Variants in MEGF9 observed in about 807,000 individuals in gnomAD.
MEGF9 encodes multiple epidermal growth factor-like domains protein 9.
In MEGF9, 6 loss-of-function variants were observed where a neutral mutation model predicts 46.8. The observed-to-expected ratio is 0.13, with a 90% CI of 0.07 to 0.25. The LOEUF is 0.25. MEGF9 is among the 10% of genes least tolerant of loss of function. The pLI is 1.00. For missense variants in MEGF9, 683 were observed against 792.4 expected (o/e 0.86, Z 1.66); for synonymous variants, 302 against 330.7 (o/e 0.91, Z 0.94).
In MEGF9 at chr9:120,603,193, A is replaced by G. The variant is rs1564410019; in HGVS notation, c.*1997T>C. 2.0e-5 allele frequency: 3 copies of G among 152,194 alleles called. No individual in the cohort carries two copies. The highest frequency in any genetic ancestry group is 6.5e-5 in the Admixed American group (1 of 15,272). 9.4% of individuals were successfully genotyped at this position (152,194 alleles called of 1,614,324 possible). On this transcript the variant is annotated 3_prime_UTR_variant, in exon 6 of 6. Transcript: ENST00000373930. ...CACACATTGTATAGCCTTGAACAAG[A>G]TATTTAGCTCCTCTGTGCCTCAGCC...
At chr9:120,694,277 T>C (rs1225991233) in intron 1 of MEGF9, among the ~76,000 whole-genome samples, 1 of 152,206 alleles carries the variant, frequency 6.6e-6, no homozygotes, top group Non-Finnish European at 1.5e-5. Flanking sequence ...GCTGTGACCT[T>C]TGGGCAAACA....
chr9:120,622,641 C>G lies in MEGF9; in HGVS notation c.918G>C (p.Arg306=). 6.2e-7 allele frequency: 1 copy of G among 1,613,594 alleles called. No individual in the cohort carries two copies. ...CTGTGAGGGCATCGCAACTGGCAGA[C>G]CGATTATTGCATTGGCAGGGCAAGC... The part of the protein sequence containing the change: ...NGCLPCQCNN[R]SASCDALTGA... The change falls in exon 3 of 6, where the codon CGG becomes CGC. Residue 306 remains arginine (R), a synonymous_variant. Coordinates refer to ENST00000373930, the MANE Select transcript of MEGF9 (RefSeq NM_001080497.3).
rs2043968633 is a variant in MEGF9 at position 120,714,283 on chromosome 9, C to T, written c.76G>A (p.Ala26Thr). Reference sequence around the variant, plus strand: ...GAGGCGACGGCGGCGGCGGCGGCGGCGGCGGCGCAGCACAACAGGGCGAGG... The same window carrying T: ...GAGGCGACGGCGGCGGCGGCGGCGGTGGCGGCGCAGCACAACAGGGCGAGG... ...GGLALLCCAA[A>T]AAAAAVASAA... is the part of the protein sequence containing the mutation. The change falls in exon 1 of 6, where the codon GCC becomes ACC. Residue 26 changes from alanine to threonine, a missense_variant. Transcript: ENST00000373930. The T allele has an allele frequency of 8.0e-7, 1 of 1,254,254 alleles. No homozygotes were observed. The highest frequency in any genetic ancestry group is 1.0e-6 in the Non-Finnish European group (1 of 1,000,372). The allele number at this position is 1,254,254 out of a possible 1,614,324, so 77.7% of individuals were successfully genotyped here.
chr9:120,705,318 C>A (rs1588001785), intron 1 of MEGF9, among the ~76,000 whole-genome samples: 1 of 151,566 alleles, frequency 6.6e-6, no homozygotes, highest in Non-Finnish European at 1.5e-5. Context: ...ACTAACACAT[C>A]TTTAAGGACT....
chr9:120,673,178 T>G (rs368377541), intron 1 of MEGF9, among the ~76,000 whole-genome samples: 2 of 152,218 alleles, frequency 1.3e-5, no homozygotes, highest in East Asian at 3.9e-4. Flanking sequence ...AAAATTAACG[T>G]GTATGACCTT....
intron 1 of MEGF9, among the ~76,000 whole-genome samples, chr9:120,670,226 AGCTGGGACTACAGGCATACACCACTAT>A (rs2043742519): frequency 6.6e-6 from 1 of 152,124 alleles, no homozygotes; most frequent in Non-Finnish European, 1.5e-5. Context: ...CCTCCCGAGT[AGCTGGGACTACAGGCATACACCACTAT>A]GCCTGGCTAA....
chr9:120,654,884 G>C (rs537489622), intron 2 of MEGF9, among the ~76,000 whole-genome samples: 1 of 152,056 alleles, frequency 6.6e-6, no homozygotes, highest in Non-Finnish European at 1.5e-5. Context: ...TAACACAAAA[G>C]TTTAATAAGT....
At chr9:120,676,344 T>C (rs1175367874) in intron 1 of MEGF9, among the ~76,000 whole-genome samples, 1 of 152,206 alleles carries the variant, frequency 6.6e-6, no homozygotes, top group Non-Finnish European at 1.5e-5. Context: ...ATCAGTGAAA[T>C]TTTATAACTT....
At chr9:120,612,578 C>T (rs2043452583) in intron 3 of MEGF9, 39 bp from the exon 4 acceptor site, 2 of 1,551,902 alleles carry the variant, frequency 1.3e-6, no homozygotes, top group South Asian at 1.2e-5. Context: ...TAAAGATTTA[C>T]CTTGAAAGCC....
At chr9:120,636,976 G>A (rs1440179819) in intron 2 of MEGF9, among the ~76,000 whole-genome samples, 2 of 152,242 alleles carry the variant, frequency 1.3e-5, no homozygotes, top group East Asian at 3.8e-4. Flanking sequence ...TGACCATGGG[G>A]GTTTTGTCCA....
At chr9:120,638,511 C>T (rs1287305823) in intron 2 of MEGF9, among the ~76,000 whole-genome samples, 1 of 152,138 alleles carries the variant, frequency 6.6e-6, no homozygotes, top group Non-Finnish European at 1.5e-5. Flanking sequence ...GAGGTTTGAA[C>T]CCTATAGGGG....
chr9:120,657,286 T>C (rs2043681483), intron 2 of MEGF9, among the ~76,000 whole-genome samples: 1 of 152,250 alleles, frequency 6.6e-6, no homozygotes, highest in Non-Finnish European at 1.5e-5. Flanking sequence ...TCCATTACTT[T>C]ATGGTTACCA....
chr9:120,611,175 G>A (rs980698053), intron 4 of MEGF9, among the ~76,000 whole-genome samples: 1 of 152,056 alleles, frequency 6.6e-6, no homozygotes, highest in South Asian at 2.1e-4. Flanking sequence ...ACTCATTTTG[G>A]AAAACAGTCT....
At chr9:120,668,762 T>C (rs943502284) in intron 1 of MEGF9, among the ~76,000 whole-genome samples, 11 of 152,252 alleles carry the variant, frequency 7.2e-5, no homozygotes, top group Admixed American at 2.0e-4. Context: ...AATGGCCTCC[T>C]TTAGTGTTCA....
At position 120,697,420 on chromosome 9, in the gene MEGF9, A is replaced by AT. The variant is rs58868038; in HGVS notation, c.601+16337dup. ...TTTATATAATCAAACGTCATCTGCT[A>AT]TTTTTTTTTTTTTTTACAAAATATT... On this transcript the variant is annotated intron_variant, in intron 1 of 5. Transcript: ENST00000373930. 5.8e-3 allele frequency among the ~76,000 whole-genome samples: 811 copies of AT among 139,916 alleles called. 2 individuals are homozygous for AT. Among genetic ancestry groups the AT allele is most frequent in the Middle Eastern group, 7.4e-3 (2 of 272 alleles). The allele number at this position is 139,916 out of a possible 152,430, so 91.8% of individuals were successfully genotyped here.
chr9:120,636,574 A>C (rs1487699750), intron 2 of MEGF9, among the ~76,000 whole-genome samples: 1 of 152,254 alleles, frequency 6.6e-6, no homozygotes, highest in Non-Finnish European at 1.5e-5. Context: ...AGGCATAAAA[A>C]TCAAATGTGA....
intron 2 of MEGF9, among the ~76,000 whole-genome samples, chr9:120,638,649 C>T (rs1003373421): frequency 6.6e-6 from 1 of 152,200 alleles, no homozygotes; most frequent in African/African-American, 2.4e-5. Flanking sequence ...TCTATATTCT[C>T]GCCAATACTT....
Position 120,659,585 on chromosome 9 carries a change from A to G in MEGF9, c.602-10T>C. 6.3e-7 allele frequency: 1 copy of G among 1,585,210 alleles called. No individual in the cohort carries two copies. The highest frequency in any genetic ancestry group is 8.6e-7 in the Non-Finnish European group (1 of 1,162,844). ...CAGTTACATACATACTCTGCAAAGG[A>G]AAGAAGGAAAGAGACATTACCAACT... On this transcript the variant is annotated splice_polypyrimidine_tract_variant and intron_variant, in intron 1 of 5. Coordinates refer to ENST00000373930, the MANE Select transcript of MEGF9 (RefSeq NM_001080497.3).
intron 2 of MEGF9, among the ~76,000 whole-genome samples, chr9:120,643,359 T>G (rs987268863): frequency 2.6e-5 from 4 of 152,208 alleles, no homozygotes; most frequent in African/African-American, 9.6e-5. Context: ...ACATGAGTCT[T>G]AGAAGCTATT....
Sources: gnomAD v4.1 joint callset for allele counts (sites outside exome capture counted in the v4.1 genomes callset) on GRCh38, gnomAD v4.1.1 for gene constraint, MANE v1.5 for transcripts, NCBI Gene and HGNC (gene_info 2026-07-23, HGNC 2026-07-21) for gene names.